TMEM94: variants seen among roughly 807,000 people sequenced by gnomAD.
The protein encoded by TMEM94 is transmembrane protein 94.
A neutral mutation model predicts 158.6 loss-of-function variants in TMEM94; 81 were observed. The ratio of observed to expected loss-of-function variants is 0.51; its 90% confidence interval spans 0.43 to 0.61. The LOEUF is 0.61. TMEM94 is among the 20% of genes least tolerant of loss of function. The pLI, the probability that TMEM94 is intolerant of heterozygous loss-of-function variation, is 0.00. For missense variants in TMEM94, 1,435 were observed against 1,762.0 expected, an observed-to-expected ratio of 0.81 and a Z score of 3.32; for synonymous variants, 751 against 730.7, an observed-to-expected ratio of 1.03 and a Z score of -0.45.
At chr17:75,462,549 T>C (rs573814134) in intron 1 of TMEM94, among the ~76,000 whole-genome samples, 1 of 151,324 alleles carries the variant, frequency 6.6e-6, no homozygotes, top group East Asian at 2.0e-4. Flanking sequence ...TTTAAAAATA[T>C]ACAGTTCTAA....
Position 75,495,657 on chromosome 17 carries a change from C to G in TMEM94, c.2944+14C>G. ...GCACCCCAGAGAGTGAGTGCTGTGG[C>G]CATGGGTACTTGGGCAACCTGGTCC... On this transcript the variant is annotated intron_variant, in intron 22 of 31. Coordinates refer to ENST00000314256, the MANE Select transcript of TMEM94 (RefSeq NM_014738.6). This position sits in a 1 kb window ranked among gnomAD's most constrained non-coding sequence, Gnocchi z 5.6. The G allele has an allele frequency of 1.2e-6, 2 of 1,611,838 alleles. No individual in the cohort carries two copies. The highest frequency in any genetic ancestry group is 1.7e-6 in the Non-Finnish European group (2 of 1,178,704).
intron 1 of TMEM94, among the ~76,000 whole-genome samples, chr17:75,459,438 A>T (rs2049995622): frequency 6.6e-6 from 1 of 152,180 alleles, no homozygotes; most frequent in Non-Finnish European, 1.5e-5. Flanking sequence ...TGGCATTTCT[A>T]TTTTGAGAAG....
At position 75,490,304 on chromosome 17, in the gene TMEM94, A is replaced by G. The variant is rs745419021; in HGVS notation, c.1025A>G (p.Glu342Gly). Reference sequence around the variant, plus strand: ...TGGGTTCTGGCAACTGCCTGTGGAGAGGCCCGTGTCCTGGCCCAGATGAGC... The same window carrying G: ...TGGGTTCTGGCAACTGCCTGTGGAGGGGCCCGTGTCCTGGCCCAGATGAGC... Reference protein sequence around the residue: ...VLWVLATACGEARVLAQMSKA... With the variant: ...VLWVLATACGGARVLAQMSKA... The change falls in exon 10 of 32, where the codon GAG becomes GGG. Residue 342 changes from glutamate to glycine, a missense_variant. This residue lies in a region of TMEM94 where 1,051 missense variants were observed against 1,254.4 expected (regional missense o/e 0.84). Transcript: ENST00000314256. 3 of 1,614,042 alleles carry G rather than the reference A, an allele frequency of 1.9e-6. No individual in the cohort carries two copies. The Admixed American group carries it at 5.0e-5, about 27-fold the overall frequency.
chr17:75,494,495 CGT>C, intron 18 of TMEM94, 130 bp from the exon 19 acceptor site: 1 of 798,238 alleles, frequency 1.3e-6, no homozygotes, highest in South Asian at 1.8e-5. Context: ...TCGGCTCCTT[CGT>C]GTGTCTTGGC....
At position 75,495,688 on chromosome 17, in the gene TMEM94, G is replaced by C. The variant is rs2052613528; in HGVS notation, c.2944+45G>C. 6.3e-7 allele frequency: 1 copy of C among 1,577,000 alleles called. No individual in the cohort carries two copies. The highest frequency in any genetic ancestry group is 1.3e-5 in the African/African-American group (1 of 74,218). On this transcript the variant is annotated intron_variant, in intron 22 of 31. Transcript: ENST00000314256. The surrounding 1 kb of genome is among the most constrained non-coding windows in gnomAD (Gnocchi z 5.6). The stretch of plus-strand genomic sequence containing the variant: ...GTACTTGGGCAACCTGGTCCCGTCG[G>C]CTGAGCTCTGCCTGGGCCTGCGTAC...
chr17:75,476,465 T>A, intron 2 of TMEM94: 53 of 1,275,986 alleles, frequency 4.2e-5, no homozygotes, highest in Middle Eastern at 6.2e-4. Flanking sequence ...TCCTCCTCCC[T>A]CCCTGAATCT....
Position 75,486,357 on chromosome 17 carries a change from G to C in TMEM94, c.340G>C (p.Gly114Arg), listed in dbSNP as rs140604871. 3 of 1,614,192 alleles carry C rather than the reference G, an allele frequency of 1.9e-6. No individual in the cohort carries two copies. In the Admixed American group the frequency reaches 5.0e-5, roughly 27 times the overall value. ...ACTGCTTCTCAACCTTGTGCTCATC[G>C]GGCGGCAAGACCGGCTGAAGCGTCG... ...LLLLLNLVLIGRQDRLKRREV... is the reference protein window; with the variant it reads ...LLLLLNLVLIRRQDRLKRREV... Residue 114 changes from glycine to arginine, a missense_variant, in exon 5 of 32, where the codon GGG (glycine) becomes CGG (arginine). Physicochemically the swap from Gly to Arg is moderately radical, Grantham distance 125. Around this residue, in one of 3 missense-constraint regions of TMEM94, gnomAD observed 1,051 missense variants for 1,254.4 expected, o/e 0.84. Coordinates refer to ENST00000314256, the MANE Select transcript of TMEM94 (RefSeq NM_014738.6).
rs1433126122 is a variant in TMEM94, at chr17:75,492,771, G to A, written c.1894G>A (p.Glu632Lys). The change falls in exon 15 of 32, where the codon GAG becomes AAG. Residue 632 changes from glutamate (E) to lysine (K), a missense_variant. Physicochemically the swap from Glu to Lys is moderately conservative, Grantham distance 56 (BLOSUM62 1). Coordinates refer to ENST00000314256, the MANE Select transcript of TMEM94 (RefSeq NM_014738.6). This position sits in a 1 kb window ranked among gnomAD's most constrained non-coding sequence, Gnocchi z 4.4. The stretch of plus-strand genomic sequence containing the variant: ...CGTCCATGTGCCCTGGGGCCTCTGC[G>A]AGCTTGCCCGCCTCATTGGTACAGG... The part of the protein sequence containing the change: ...LPVHVPWGLC[E>K]LARLIGFTPG... 6.8e-6 allele frequency: 11 copies of A among 1,606,328 alleles called. No homozygotes were observed. The East Asian group carries it at 1.6e-4, about 23-fold the overall frequency.
chr17:75,461,017 T>C (rs1173522867), intron 1 of TMEM94, among the ~76,000 whole-genome samples: 1 of 151,782 alleles, frequency 6.6e-6, no homozygotes, highest in Non-Finnish European at 1.5e-5. Flanking sequence ...CTTTCTACTT[T>C]CTGTCTCTGT....
intron 1 of TMEM94, among the ~76,000 whole-genome samples, chr17:75,471,251 A>AAAAGAAAG (rs547383968): frequency 5.9e-4 from 83 of 141,448 alleles, no homozygotes; most frequent in African/African-American, 2.4e-3. Flanking sequence ...AAAAAAAAAA[A>AAAAGAAAG]AAAGAAAGAA....
Position 75,499,350 on chromosome 17 carries a change from G to A in TMEM94, c.*16G>A. On this transcript the variant is annotated 3_prime_UTR_variant, in exon 32 of 32. Coordinates refer to ENST00000314256, the MANE Select transcript of TMEM94 (RefSeq NM_014738.6). The stretch of plus-strand genomic sequence containing the variant: ...TCCCTTCTGAGCCACTGGCTGTGGT[G>A]GCTGTAGTTGCCCCCGTCCCTGGGG... The A allele has an allele frequency of 6.2e-7, 1 of 1,611,136 alleles. No homozygotes were observed. The highest frequency in any genetic ancestry group is 1.7e-4 in the Middle Eastern group (1 of 6,048).
intron 16 of TMEM94, 172 bp from the exon 17 acceptor site, chr17:75,493,319 T>G: frequency 1.2e-6 from 1 of 833,896 alleles, no homozygotes; most frequent in Non-Finnish European, 1.9e-6. Flanking sequence ...ATATGGTGTC[T>G]GCATTCCAAG....
At chr17:75,488,191 G>A (rs1387861671) in intron 6 of TMEM94, 57 bp downstream of exon 6, 5 of 1,546,822 alleles carry the variant, frequency 3.2e-6, no homozygotes, top group Admixed American at 1.7e-5. Context: ...CACAGGCAAC[G>A]ATGGGAGGGT....
intron 1 of TMEM94, among the ~76,000 whole-genome samples, chr17:75,462,013 T>TTG (rs1452039050): frequency 1.6e-5 from 2 of 121,916 alleles, no homozygotes; most frequent in East Asian, 2.2e-4. Flanking sequence ...TTTGTTTTGT[T>TTG]TTTTTTTTTT....
At chr17:75,476,475 T>A (rs1426673993) in intron 2 of TMEM94, 2 of 1,371,196 alleles carry the variant, frequency 1.5e-6, no homozygotes, top group Non-Finnish European at 1.9e-6. Context: ...TCCCTGAATC[T>A]GCAGCGTGAC....
chr17:75,490,207 C>T (rs372547589), intron 9 of TMEM94, 27 bp from the exon 10 acceptor site: 1 of 1,613,344 alleles, frequency 6.2e-7, no homozygotes, highest in African/African-American at 1.3e-5. Context: ...AGCTCAGGAG[C>T]CATCTGTGTG....
chr17:75,493,756 C>T lies in TMEM94; in HGVS notation c.2247C>T (p.Phe749=), dbSNP rs143435789. 1.1e-5 allele frequency: 17 copies of T among 1,614,004 alleles called. No homozygotes were observed. Among genetic ancestry groups the T allele is most frequent in the African/African-American group, 1.3e-5 (1 of 74,932 alleles). The change falls in exon 18 of 32, where the codon TTC becomes TTT. Residue 749 remains phenylalanine (F), a synonymous_variant. Transcript: ENST00000314256. ...RACLSGYCSA[F]AYKPMNCALS... is the part of the protein sequence containing the mutation. ...GCCTGTCTGGGTATTGCTCTGCCTT[C>T]GCCTACAAGCCCATGAACTGCGCCC...
chr17:75,483,915 G>T (rs1430047388), intron 2 of TMEM94, among the ~76,000 whole-genome samples: 1 of 152,182 alleles, frequency 6.6e-6, no homozygotes, highest in African/African-American at 2.4e-5. Flanking sequence ...TGTGGATGAG[G>T]TTGCTCTGGA....
intron 2 of TMEM94, among the ~76,000 whole-genome samples, chr17:75,483,538 G>T (rs2051344005): frequency 6.7e-6 from 1 of 150,330 alleles, no homozygotes. Flanking sequence ...TTGGCTCACT[G>T]CAACCTCTGC....
Sources: gnomAD v4.1 joint callset for allele counts (sites outside exome capture counted in the v4.1 genomes callset) on GRCh38, gnomAD v4.1.1 for gene constraint, gnomAD v4.1.1 regional missense constraint, Gnocchi (gnomAD v3.1) non-coding constraint, MANE v1.5 for transcripts, NCBI Gene and HGNC (gene_info 2026-07-23, HGNC 2026-07-21) for gene names.